PDE4D: variants seen among roughly 807,000 people sequenced by gnomAD.
The protein encoded by PDE4D is phosphodiesterase 4D.
Under a neutral mutation model 87.4 loss-of-function variants are expected in PDE4D, and 24 were observed. The observed-to-expected ratio is 0.27, with a 90% CI of 0.20 to 0.39. The LOEUF is 0.39. PDE4D is among the 10% of genes least tolerant of loss of function. PDE4D has a pLI of 1.00. For synonymous variants in PDE4D, 384 were observed against 383.2 expected, an observed-to-expected ratio of 1.00 and a Z score of -0.02; for missense variants, 714 against 1,041.0, an observed-to-expected ratio of 0.69 and a Z score of 4.32.
chr5:60,508,516 G>A (rs1583958502), intron 1 of PDE4D, among the ~76,000 whole-genome samples: 1 of 152,292 alleles, frequency 6.6e-6, no homozygotes. Flanking sequence ...ATTTCACTTG[G>A]GTTGACTATA....
At chr5:59,507,679 A>AAAG (rs1554198808) in intron 1 of PDE4D, among the ~76,000 whole-genome samples, 129 of 118,680 alleles carry the variant, frequency 1.1e-3, no homozygotes, top group Admixed American at 1.9e-3. Context: ...AAAAAAAAAA[A>AAAG]AAAAGAAAAG....
In PDE4D at chr5:59,484,601, T is replaced by C. The variant is rs371441728; in HGVS notation, c.456-268633A>G. On this transcript the variant is annotated intron_variant, in intron 1 of 14. Coordinates refer to ENST00000340635, the MANE Select transcript of PDE4D (RefSeq NM_001104631.2). ...AATGATGTCCGTTCCCCTTCTTTCA[T>C]CCCACCCTGAGTCAATGGCAGCAGC... Among the ~76,000 whole-genome samples the C allele has an allele frequency of 1.8e-4, 28 of 152,290 alleles. 1 individual carries two copies. Among genetic ancestry groups the C allele is most frequent in the African/African-American group, 6.5e-4 (27 of 41,574 alleles).
At chr5:60,044,843 A>T (rs1228493506) in intron 2 of PDE4D, among the ~76,000 whole-genome samples, 2 of 152,172 alleles carry the variant, frequency 1.3e-5, no homozygotes, top group East Asian at 1.9e-4. Flanking sequence ...ATGTGTCTTT[A>T]TAGCAGCATG....
chr5:59,877,377 G>A (rs1748747154), intron 1 of PDE4D, among the ~76,000 whole-genome samples: 1 of 147,572 alleles, frequency 6.8e-6, no homozygotes, highest in Non-Finnish European at 1.5e-5. Flanking sequence ...GGATAAAAAA[G>A]CTTAAACAAT....
At chr5:59,792,402 CTGTGTGTGTGTGTGTGTGTG>C (rs3062592) in intron 1 of PDE4D, among the ~76,000 whole-genome samples, 1 of 138,776 alleles carries the variant, frequency 7.2e-6, no homozygotes, top group African/African-American at 2.8e-5. Flanking sequence ...CTCCAAGAAG[CTGTGTGTGTGTGTGTGTGTG>C]TGTGTGTGTG....
chr5:60,167,269 T>C (rs952691312), intron 2 of PDE4D, among the ~76,000 whole-genome samples: 36 of 129,858 alleles, frequency 2.8e-4, no homozygotes, highest in Admixed American at 2.9e-4. Flanking sequence ...GTATTTTCTT[T>C]TTTTTTTTTT....
At chr5:59,072,202 C>T (rs1764962518) in intron 5 of PDE4D, among the ~76,000 whole-genome samples, 1 of 152,066 alleles carries the variant, frequency 6.6e-6, no homozygotes, top group African/African-American at 2.4e-5. Flanking sequence ...ATACCTTGCA[C>T]CATTATCTTT....
chr5:59,265,583 G>T (rs749871823), intron 1 of PDE4D, among the ~76,000 whole-genome samples: 1 of 152,044 alleles, frequency 6.6e-6, no homozygotes, highest in Non-Finnish European at 1.5e-5. Context: ...AACAGTTCCT[G>T]GTCACTCACA....
intron 5 of PDE4D, among the ~76,000 whole-genome samples, chr5:59,176,485 C>T (rs548056683): frequency 4.0e-5 from 6 of 150,968 alleles, no homozygotes; most frequent in South Asian, 2.1e-4. Context: ...ACCCAGGAGG[C>T]GGAGGTTGCA....
chr5:60,502,631 C>A lies in PDE4D; in HGVS notation n.70+19420G>T, dbSNP rs1750139712. On this transcript the variant is annotated intron_variant and non_coding_transcript_variant, in intron 1 of 2. Coordinates refer to the PDE4D transcript ENST00000506510. ...CCCCTGCTACAGGTTTTCAATCTGACAAAGGAGAGAGTTTTCTGTGCTGAT... is the reference window on the plus strand; with the variant it reads ...CCCCTGCTACAGGTTTTCAATCTGAAAAAGGAGAGAGTTTTCTGTGCTGAT... 3.3e-5 allele frequency among the ~76,000 whole-genome samples: 5 copies of A among 152,210 alleles called. No homozygotes were observed. The South Asian group carries it at 6.2e-4, about 19-fold the overall frequency.
In PDE4D at chr5:59,547,361, T is replaced by A. The variant is rs1018884341; in HGVS notation, c.456-331393A>T. Among the ~76,000 whole-genome samples the A allele has an allele frequency of 2.2e-4, 33 of 152,146 alleles. 1 individual carries two copies. Among genetic ancestry groups the A allele is most frequent in the Non-Finnish European group, 2.9e-5 (2 of 68,012 alleles). Reference sequence around the variant, plus strand: ...TACCAATAGTTGGAACAGAAATTTTTAGGATTTCTAGCACATTCTAAGTCT... The same window carrying A: ...TACCAATAGTTGGAACAGAAATTTTAAGGATTTCTAGCACATTCTAAGTCT... On this transcript the variant is annotated intron_variant, in intron 1 of 14. Transcript: ENST00000340635.
intron 1 of PDE4D, among the ~76,000 whole-genome samples, chr5:59,704,627 T>G (rs1753112731): frequency 6.6e-6 from 1 of 152,232 alleles, no homozygotes; most frequent in Non-Finnish European, 1.5e-5. Flanking sequence ...TTGCTATAAT[T>G]CCTGAATCCA....
chr5:59,170,193 AT>A (rs1218321636), intron 5 of PDE4D, among the ~76,000 whole-genome samples: 2 of 152,048 alleles, frequency 1.3e-5, no homozygotes, highest in East Asian at 1.9e-4. Context: ...AATTTTTAAA[AT>A]TTTTTGTAGA....
chr5:59,771,542 G>GAAAGAAAGAA (rs1763575743), intron 1 of PDE4D, among the ~76,000 whole-genome samples: 1 of 148,782 alleles, frequency 6.7e-6, no homozygotes, highest in Non-Finnish European at 1.5e-5. Context: ...AAGAAAGAAA[G>GAAAGAAAGAA]AAAGAAAGAA....
chr5:60,392,171 C>A (rs554650536), intron 1 of PDE4D, among the ~76,000 whole-genome samples: 1 of 152,224 alleles, frequency 6.6e-6, no homozygotes, highest in South Asian at 2.1e-4. Context: ...ATCTCTAGGA[C>A]CAAAGATACC....
intron 6 of PDE4D, among the ~76,000 whole-genome samples, chr5:59,030,589 G>T (rs1304845588): frequency 2.0e-5 from 3 of 151,742 alleles, no homozygotes; most frequent in African/African-American, 7.3e-5. Context: ...AAAATAAAAA[G>T]CCAGGTATGG....
At chr5:59,730,693 A>C (rs1459610166) in intron 1 of PDE4D, among the ~76,000 whole-genome samples, 2 of 151,952 alleles carry the variant, frequency 1.3e-5, no homozygotes, top group Non-Finnish European at 2.9e-5. Context: ...TAATTTCAAC[A>C]CTCCTTGATA....
intron 1 of PDE4D, among the ~76,000 whole-genome samples, chr5:60,310,712 C>T (rs1473572601): frequency 2.6e-5 from 4 of 152,222 alleles, no homozygotes; most frequent in Non-Finnish European, 5.9e-5. Context: ...ATCCAACCTT[C>T]GCTCTTGCTC....
At chr5:59,637,782 C>T (rs887477180) in intron 1 of PDE4D, among the ~76,000 whole-genome samples, 5 of 152,100 alleles carry the variant, frequency 3.3e-5, no homozygotes, top group South Asian at 2.1e-4. Context: ...GGATAACATT[C>T]GGAGAAATAC....
Sources: allele counts gnomAD v4.1 joint callset (sites outside exome capture counted in the v4.1 genomes callset), GRCh38; gene constraint gnomAD v4.1.1; transcripts MANE v1.5; gene names NCBI Gene and HGNC (gene_info 2026-07-23, HGNC 2026-07-21).